The following SERPINB8 variants were observed in gnomAD, a reference collection of about 807,000 sequenced individuals.
SERPINB8 encodes serpin family B member 8, also known as serpin B8.
In SERPINB8, 25 loss-of-function variants were observed where a neutral mutation model predicts 35.3. The observed-to-expected ratio is 0.71, with a 90% CI of 0.52 to 0.99. The LOEUF is 0.99. Ranked by LOEUF, SERPINB8 falls within the 50% of genes least tolerant of loss-of-function variation. The pLI, the probability that SERPINB8 is intolerant of heterozygous loss-of-function variation, is 0.00. For missense variants in SERPINB8, 484 were observed against 446.5 expected (o/e 1.08, Z -0.76); for synonymous variants, 186 against 160.8 (o/e 1.16, Z -1.19).
At chr18:63,975,366 G>T (rs953952934) in intron 1 of SERPINB8, among the ~76,000 whole-genome samples, 41 of 152,118 alleles carry the variant, frequency 2.7e-4, no homozygotes, top group Non-Finnish European at 5.6e-4. Context: ...TGAGGTTGTG[G>T]AGGACCCCGG....
intron 1 of SERPINB8, among the ~76,000 whole-genome samples, chr18:63,972,838 G>T: frequency 6.6e-6 from 1 of 152,098 alleles, no homozygotes; most frequent in Non-Finnish European, 1.5e-5. Context: ...TTTTATGGCT[G>T]CATAGTATTC....
chr18:63,971,762 A>G (rs574876243), intron 1 of SERPINB8, among the ~76,000 whole-genome samples: 2 of 152,302 alleles, frequency 1.3e-5, no homozygotes, highest in Middle Eastern at 6.8e-3. Context: ...TTTAAAAACC[A>G]TGCATGGCTT....
chr18:64,001,255 T>A (rs936343022), intron 1 of SERPINB8, among the ~76,000 whole-genome samples: 1 of 152,162 alleles, frequency 6.6e-6, no homozygotes, highest in Non-Finnish European at 1.5e-5. Context: ...AGGAAGTGAA[T>A]TTTTTTATAA....
At chr18:63,975,137 ACAC>A (rs1173925914) in intron 1 of SERPINB8, among the ~76,000 whole-genome samples, 1 of 146,880 alleles carries the variant, frequency 6.8e-6, no homozygotes, top group Non-Finnish European at 1.5e-5. Flanking sequence ...ACACACACAC[ACAC>A]CCCAACCTAA....
At chr18:63,990,475 T>G (rs1210395404), downstream of SERPINB8, among the ~76,000 whole-genome samples, 1 of 152,258 alleles carries the variant, frequency 6.6e-6, no homozygotes, top group South Asian at 2.1e-4. Flanking sequence ...GCTCATGGCT[T>G]CAATTTTCAT....
chr18:63,985,180 C>T lies in SERPINB8; in HGVS notation c.655C>T (p.Pro219Ser). Residue 219 changes from proline to serine, a missense_variant, in exon 6 of 7, where the codon CCC becomes TCC. Pro to Ser is a moderately conservative substitution (Grantham distance 74). Coordinates refer to ENST00000397985, the MANE Select transcript of SERPINB8 (RefSeq NM_002640.4). ...DEVHTQVLEL[P>S]YVEEELSMVI... The stretch of plus-strand genomic sequence containing the variant: ...GGTACACACCCAGGTCCTGGAGCTG[C>T]CCTATGTGGAAGAGGAGCTGAGCAT... 6.2e-7 allele frequency: 1 copy of T among 1,614,138 alleles called. No individual in the cohort carries two copies. The highest frequency in any genetic ancestry group is 8.5e-7 in the Non-Finnish European group (1 of 1,180,034).
intron 7 of SERPINB8, among the ~76,000 whole-genome samples, chr18:64,013,335 CA>C (rs1157345715): frequency 6.6e-6 from 1 of 152,138 alleles, no homozygotes. Context: ...TTTCGGAAAT[CA>C]ACCCAAAACC....
In SERPINB8 at chr18:63,987,075, G is replaced by A; in HGVS notation, c.922G>A (p.Val308Met). 1.9e-6 allele frequency: 3 copies of A among 1,614,204 alleles called. No individual in the cohort carries two copies. Among genetic ancestry groups the A allele is most frequent in the South Asian group, 1.1e-5 (1 of 91,076 alleles). ...TTCTGGAATGTCAACTGAGAAGAATGTGCCTCTGTCCAAGGTTGCCCACAA... is the reference window on the plus strand; with the variant it reads ...TTCTGGAATGTCAACTGAGAAGAATATGCCTCTGTCCAAGGTTGCCCACAA... ...DFSGMSTEKN[V>M]PLSKVAHKCF... The change falls in exon 7 of 7, where the codon GTG becomes ATG. Residue 308 changes from valine to methionine, a missense_variant. Val to Met is a conservative substitution (Grantham distance 21). Coordinates refer to ENST00000397985, the MANE Select transcript of SERPINB8 (RefSeq NM_002640.4).
downstream of SERPINB8, among the ~76,000 whole-genome samples, chr18:64,008,935 A>C (rs1392173262): frequency 2.0e-5 from 3 of 152,148 alleles, no homozygotes; most frequent in African/African-American, 4.8e-5. Context: ...CCTAGCTCAT[A>C]GAGTTGTCGA....
intron 5 of SERPINB8, among the ~76,000 whole-genome samples, chr18:63,984,538 T>C (rs2050721010): frequency 6.6e-6 from 1 of 152,224 alleles, no homozygotes; most frequent in South Asian, 2.1e-4. Context: ...ATCCATCAAA[T>C]ATGATACTCT....
rs1264062910 is a variant in SERPINB8 at position 63,987,222 on chromosome 18, A to G, written c.1069A>G (p.Ile357Val). The change falls in exon 7 of 7, where the codon ATC (isoleucine) becomes GTC (valine). Residue 357 changes from isoleucine to valine, a missense_variant. By Grantham distance (29) the Ile-to-Val change is conservative. Transcript: ENST00000397985. The stretch of plus-strand genomic sequence containing the variant: ...TGCAGACCACCCTTTTCTTTTCTTC[A>G]TCAGGCACCACAAAACCAACTGCAT... ...FCADHPFLFF[I>V]RHHKTNCILF... is the part of the protein sequence containing the mutation. 2 of 1,614,114 alleles carry G rather than the reference A, an allele frequency of 1.2e-6. No homozygotes were observed. Among genetic ancestry groups the G allele is most frequent in the East Asian group, 2.2e-5 (1 of 44,876 alleles).
At position 63,971,621 on chromosome 18, in the gene SERPINB8, C is replaced by T. The variant is rs556668012; in HGVS notation, c.-11+1451C>T. On this transcript the variant is annotated intron_variant, in intron 1 of 6. Transcript: ENST00000397985. The stretch of plus-strand genomic sequence containing the variant: ...CCAGCCCCCACTTCTCTATTGCAGA[C>T]AATCCCTCTGCTTTCAGCAGTCCCT... Among the ~76,000 whole-genome samples, 14 of 152,360 alleles carry T rather than the reference C, an allele frequency of 9.2e-5. No homozygotes were observed. In the South Asian group the frequency reaches 2.9e-3, roughly 32 times the overall value.
chr18:63,982,424 G>A (rs2050686901), intron 4 of SERPINB8, among the ~76,000 whole-genome samples: 1 of 151,942 alleles, frequency 6.6e-6, no homozygotes, highest in South Asian at 2.1e-4. Context: ...TACTTCAGTA[G>A]GAAAAAGGGG....
rs569256786 is a variant in SERPINB8, at chr18:63,980,604, C to T, written c.306+666C>T. ...AAATACATCCCTGTCCTGGTAGCTGCTGGGTGCTGTTCCCGGAATTTGCCT... is the reference window on the plus strand; with the variant it reads ...AAATACATCCCTGTCCTGGTAGCTGTTGGGTGCTGTTCCCGGAATTTGCCT... On this transcript the variant is annotated intron_variant, in intron 3 of 6. Coordinates refer to ENST00000397985, the MANE Select transcript of SERPINB8 (RefSeq NM_002640.4). 2.0e-5 allele frequency among the ~76,000 whole-genome samples: 3 copies of T among 152,290 alleles called. No individual in the cohort carries two copies. In the South Asian group the frequency reaches 6.2e-4, roughly 32 times the overall value.
At chr18:63,971,546 T>C (rs1289754670) in intron 1 of SERPINB8, among the ~76,000 whole-genome samples, 2 of 152,254 alleles carry the variant, frequency 1.3e-5, no homozygotes, top group African/African-American at 2.4e-5. Flanking sequence ...GCCTCGGGAC[T>C]GGGCCCTCCT....
At chr18:64,017,102 G>T (rs2050954169) in intron 7 of SERPINB8, among the ~76,000 whole-genome samples, 1 of 152,038 alleles carries the variant, frequency 6.6e-6, no homozygotes, top group Non-Finnish European at 1.5e-5. Flanking sequence ...GTCCCTTCCT[G>T]AACCTATTCT....
chr18:64,002,133 C>A (rs2050878310), intron 1 of SERPINB8, among the ~76,000 whole-genome samples: 1 of 152,108 alleles, frequency 6.6e-6, no homozygotes, highest in Non-Finnish European at 1.5e-5. Context: ...GCAGTGTCCC[C>A]AGCCACTCTG....
At chr18:64,007,635 A>C (rs1293875232), downstream of SERPINB8, among the ~76,000 whole-genome samples, 2 of 152,172 alleles carry the variant, frequency 1.3e-5, no homozygotes, top group African/African-American at 4.8e-5. Context: ...CAGAAACTTA[A>C]AATCATGGCG....
chr18:63,993,938 C>T (rs2050836449), downstream of SERPINB8, among the ~76,000 whole-genome samples: 1 of 152,168 alleles, frequency 6.6e-6, no homozygotes. Context: ...GAGGCCTTCG[C>T]TGAGACACTG....
Sources: gnomAD v4.1 joint callset for allele counts (sites outside exome capture counted in the v4.1 genomes callset) on GRCh38, gnomAD v4.1.1 for gene constraint, MANE v1.5 for transcripts, NCBI Gene and HGNC (gene_info 2026-07-23, HGNC 2026-07-21) for gene names.